Variants in GLOD4 observed in about 807,000 individuals in gnomAD.
GLOD4 encodes glyoxalase domain-containing protein 4.
In GLOD4, 44 loss-of-function variants were observed where a neutral mutation model predicts 39.1. The observed-to-expected ratio is 1.13, with a 90% confidence interval of 0.88 to 1.45. The LOEUF (loss-of-function observed/expected upper bound fraction) is 1.45. GLOD4 is among the 40% of genes most tolerant of loss of function. The probability of loss-of-function intolerance (pLI) is 0.00; values close to 1 mark genes in which losing one functional copy is unlikely to be tolerated. For missense variants in GLOD4, 405 were observed against 366.4 expected, an observed-to-expected ratio of 1.11 and a Z score of -0.86; for synonymous variants, 145 against 135.0, an observed-to-expected ratio of 1.07 and a Z score of -0.52.
chr17:782,606 C>G (rs75116507), upstream of GLOD4: 2 of 1,613,976 alleles, frequency 1.2e-6, no homozygotes, highest in Non-Finnish European at 1.7e-6. Flanking sequence ...AACAACCGCT[C>G]GAGGAGTCCG....
upstream of GLOD4, chr17:783,376 A>AC (rs778965828): frequency 9.2e-6 from 14 of 1,520,386 alleles, no homozygotes; most frequent in East Asian, 3.3e-4. Flanking sequence ...TTGTTCTGTC[A>AC]CCCAGGCTGG....
At chr17:768,962 C>T (rs368765263) in intron 8 of GLOD4, among the ~76,000 whole-genome samples, 3 of 152,196 alleles carry the variant, frequency 2.0e-5, no homozygotes, top group African/African-American at 7.2e-5. Context: ...AGAAACAGTG[C>T]GCACTCAGAT....
Position 763,155 on chromosome 17 carries a change from C to A in GLOD4, c.832-2917G>T, listed in dbSNP as rs577023159. On this transcript the variant is annotated intron_variant, in intron 8 of 8. Coordinates refer to ENST00000301329, the MANE Select transcript of GLOD4 (RefSeq NM_016080.4). ...CCGAGATCACGCCACTGCACTCCAGCCTGGGCGACAGAGCGAGACTCCGTC... is the reference window on the plus strand; with the variant it reads ...CCGAGATCACGCCACTGCACTCCAGACTGGGCGACAGAGCGAGACTCCGTC... Among the ~76,000 whole-genome samples the A allele has an allele frequency of 1.0e-3, 154 of 149,688 alleles. 2 individuals are homozygous for A. The highest frequency in any genetic ancestry group is 3.7e-3 in the African/African-American group (151 of 40,628).
intron 5 of GLOD4, chr17:770,715 G>T: frequency 2.4e-6 from 1 of 417,922 alleles, no homozygotes; most frequent in Non-Finnish European, 4.3e-6. Flanking sequence ...TTACACAAAT[G>T]GTGGTATAAT....
chr17:760,941 A>C (rs1190601898), intron 8 of GLOD4, among the ~76,000 whole-genome samples: 2 of 152,226 alleles, frequency 1.3e-5, no homozygotes, highest in African/African-American at 2.4e-5. Context: ...ATACAGATAC[A>C]AATAAAAATA....
chr17:776,822 C>T (rs373757792), intron 3 of GLOD4, 46 bp downstream of exon 3: 29 of 1,488,012 alleles, frequency 1.9e-5, no homozygotes, highest in Non-Finnish European at 2.7e-5. Flanking sequence ...TTACAACCAG[C>T]CACCTACCCC....
chr17:770,502 CT>C lies in GLOD4; in HGVS notation c.548del (p.Lys183SerfsTer32). On this transcript the variant is annotated frameshift_variant, in exon 6 of 9. Transcript: ENST00000301329. LOFTEE classifies it high-confidence loss of function. Reference protein sequence around the residue: ...ALLGYADNQCKLELQGVKGGV... With the variant: ...ALLGYADNQCXLELQGVKGGV... The stretch of plus-strand genomic sequence containing the variant: ...CACCCTTGACGCCCTGTAGCTCCAG[CT>C]TACACTGAAATAGGAAAGGGGGTTA... 2.0e-6 allele frequency: 3 copies of C among 1,519,324 alleles called. No homozygotes were observed. The highest frequency in any genetic ancestry group is 1.4e-5 in the African/African-American group (1 of 73,116). The allele number at this position is 1,519,324 out of a possible 1,614,324, so 94.1% of individuals were successfully genotyped here.
chr17:775,737 C>T (rs1455682976), intron 4 of GLOD4, 38 bp downstream of exon 4: 5 of 1,585,804 alleles, frequency 3.2e-6, no homozygotes, highest in Non-Finnish European at 4.3e-6. Context: ...CCAAAGATGC[C>T]TTTAGACAGA....
At chr17:761,781 G>A (rs1429858113) in intron 8 of GLOD4, among the ~76,000 whole-genome samples, 1 of 152,238 alleles carries the variant, frequency 6.6e-6, no homozygotes, top group Non-Finnish European at 1.5e-5. Context: ...TGGGATTACA[G>A]GGGTGAGCCA....
At chr17:763,507 T>A (rs903836100) in intron 8 of GLOD4, 3 of 152,116 alleles carry the variant, frequency 2.0e-5, no homozygotes, top group Non-Finnish European at 2.9e-5. Flanking sequence ...GGCAACAGAG[T>A]GAGGCTCCAT....
chr17:766,456 C>T (rs1040964121), intron 8 of GLOD4, among the ~76,000 whole-genome samples: 9 of 151,582 alleles, frequency 5.9e-5, no homozygotes, highest in Non-Finnish European at 1.0e-4. Context: ...ATTAGCCAGG[C>T]GTGGTGGCAC....
chr17:762,337 G>T (rs1046947031), intron 8 of GLOD4, among the ~76,000 whole-genome samples: 1 of 152,248 alleles, frequency 6.6e-6, no homozygotes, highest in Non-Finnish European at 1.5e-5. Flanking sequence ...TCACAGACAC[G>T]CTGTACTGTC....
At chr17:770,312 T>C in intron 6 of GLOD4, 109 bp downstream of exon 6, 1 of 780,110 alleles carries the variant, frequency 1.3e-6, no homozygotes, top group Admixed American at 1.9e-5. Flanking sequence ...CTGCTGAACT[T>C]GATACTAAAG....
At position 778,683 on chromosome 17, in the gene GLOD4, A is replaced by G. The variant is rs375078226; in HGVS notation, c.140+12T>C. 83 of 1,486,014 alleles carry G rather than the reference A, an allele frequency of 5.6e-5. No homozygotes were observed. Among genetic ancestry groups the G allele is most frequent in the Non-Finnish European group, 7.1e-5 (76 of 1,063,094 alleles). The allele number at this position is 1,486,014 out of a possible 1,614,324, so 92.1% of individuals were successfully genotyped here. ...GAGCCTAAAGGAGATTTTAAGAAAC[A>G]AGGTATCATACCCATTACAGGCAGC... On this transcript the variant is annotated intron_variant, in intron 2 of 8. Transcript: ENST00000301329.
At chr17:776,463 T>C (rs1315204810) in intron 3 of GLOD4, among the ~76,000 whole-genome samples, 1 of 152,196 alleles carries the variant, frequency 6.6e-6, no homozygotes, top group Non-Finnish European at 1.5e-5. Flanking sequence ...ACGCATCCTA[T>C]AGTCCACCCC....
intron 5 of GLOD4, 43 bp downstream of exon 5, chr17:771,282 C>G: frequency 7.2e-7 from 1 of 1,387,392 alleles, no homozygotes; most frequent in Non-Finnish European, 9.9e-7. Flanking sequence ...CGTTTACAAG[C>G]CAAATTCAAA....
intron 8 of GLOD4, among the ~76,000 whole-genome samples, chr17:768,614 A>G (rs638489): frequency 0.032 from 3,358 of 103,622 alleles, 170 homozygotes; most frequent in East Asian, 0.093. Context: ...GACGTGAGAG[A>G]GAGAAACAGC....
chr17:771,696 TG>T (rs1907970436), intron 4 of GLOD4, among the ~76,000 whole-genome samples: 1 of 152,122 alleles, frequency 6.6e-6, no homozygotes, highest in African/African-American at 2.4e-5. Flanking sequence ...ACTGAGACCT[TG>T]CCTGTATGAA....
intron 8 of GLOD4, chr17:763,909 CAATT>C (rs1290575611): frequency 6.6e-6 from 1 of 152,118 alleles, no homozygotes; most frequent in Non-Finnish European, 1.5e-5. Flanking sequence ...TTCAAAAACT[CAATT>C]AATGGCTGGG....
Sources: allele counts gnomAD v4.1 joint callset (sites outside exome capture counted in the v4.1 genomes callset), GRCh38; gene constraint gnomAD v4.1.1; transcripts MANE v1.5; gene names NCBI Gene and HGNC (gene_info 2026-07-23, HGNC 2026-07-21).